Variants in PTPRM observed in about 807,000 individuals in gnomAD.
PTPRM encodes the protein protein tyrosine phosphatase receptor type M.
In PTPRM, 47 loss-of-function variants were observed where a neutral mutation model predicts 186.7. The ratio of observed to expected loss-of-function variants is 0.25; its 90% confidence interval spans 0.20 to 0.32. PTPRM has a LOEUF of 0.32. Ranked by LOEUF, PTPRM falls within the 10% of genes least tolerant of loss-of-function variation. The pLI, the probability that PTPRM is intolerant of heterozygous loss-of-function variation, is 1.00. For synonymous variants in PTPRM, 668 were observed against 674.9 expected, an observed-to-expected ratio of 0.99 and a Z score of 0.16; for missense variants, 1,494 against 1,865.0, an observed-to-expected ratio of 0.80 and a Z score of 3.66.
chr18:7,713,501 A>T (rs1449474916), intron 1 of PTPRM, among the ~76,000 whole-genome samples: 1 of 152,186 alleles, frequency 6.6e-6, no homozygotes, highest in African/African-American at 2.4e-5. Flanking sequence ...TAATGCCAGG[A>T]TCAAATTCAC....
intron 20 of PTPRM, among the ~76,000 whole-genome samples, chr18:8,300,230 C>G (rs77988590): frequency 0.027 from 4,080 of 152,168 alleles, 176 homozygotes; most frequent in South Asian, 0.1. Flanking sequence ...GCAGACTAAT[C>G]AGGAAAAGAC....
intron 1 of PTPRM, among the ~76,000 whole-genome samples, chr18:7,670,253 A>G (rs74643333): frequency 0.021 from 3,192 of 152,238 alleles, 120 homozygotes; most frequent in African/African-American, 0.073. Context: ...GCCACGTTTC[A>G]AGTATTCAGT....
At position 7,949,104 on chromosome 18, in the gene PTPRM, T is replaced by C. The variant is rs553585199; in HGVS notation, c.664-77T>C. 2.1e-3 allele frequency: 2,902 copies of C among 1,354,586 alleles called. 7 individuals are homozygous for C. The highest frequency in any genetic ancestry group is 4.0e-3 in the Admixed American group (204 of 50,814). 83.9% of individuals were successfully genotyped at this position (1,354,586 alleles called of 1,614,324 possible). The stretch of plus-strand genomic sequence containing the variant: ...CTGCATGAAAACAGCATGGATAATA[T>C]ACCATTGGGTGTCTGACTGTTTTGC... On this transcript the variant is annotated intron_variant, in intron 5 of 32. Transcript: ENST00000580170.
At chr18:7,755,803 G>T (rs2041457439) in intron 1 of PTPRM, among the ~76,000 whole-genome samples, 1 of 152,206 alleles carries the variant, frequency 6.6e-6, no homozygotes, top group South Asian at 2.1e-4. Context: ...GCTGCTCGCT[G>T]TGCGGGCAGC....
intron 2 of PTPRM, among the ~76,000 whole-genome samples, chr18:7,836,533 T>TAC (rs998337508): frequency 4.1e-4 from 62 of 152,206 alleles, no homozygotes; most frequent in African/African-American, 1.4e-3. Context: ...AAGAGTAGTT[T>TAC]ACACACCACA....
intron 7 of PTPRM, among the ~76,000 whole-genome samples, chr18:8,002,965 G>C (rs1301215569): frequency 6.6e-6 from 1 of 151,990 alleles, no homozygotes. Flanking sequence ...AAATATCAAA[G>C]AATTCTCTAA....
intron 2 of PTPRM, among the ~76,000 whole-genome samples, chr18:7,836,442 G>A (rs543304499): frequency 1.3e-5 from 2 of 152,192 alleles, no homozygotes; most frequent in African/African-American, 4.8e-5. Context: ...GTCTTGAAAA[G>A]TTGTTATAGT....
chr18:8,388,160 C>T (rs528294943), intron 31 of PTPRM, among the ~76,000 whole-genome samples: 1 of 152,320 alleles, frequency 6.6e-6, no homozygotes, highest in South Asian at 2.1e-4. Context: ...GCTAATCAAC[C>T]AGCTGCAATC....
chr18:8,155,281 C>T (rs912196427), intron 14 of PTPRM, among the ~76,000 whole-genome samples: 6 of 152,144 alleles, frequency 3.9e-5, no homozygotes, highest in African/African-American at 7.2e-5. Context: ...ATTATATTTA[C>T]GATTGTTTCT....
chr18:8,182,047 T>A (rs2093583003), intron 14 of PTPRM, among the ~76,000 whole-genome samples: 1 of 152,124 alleles, frequency 6.6e-6, no homozygotes. Context: ...AATTTAACTA[T>A]TTTTTTCCTA....
At chr18:8,121,268 TTG>T (rs1381845347) in intron 13 of PTPRM, among the ~76,000 whole-genome samples, 3 of 152,178 alleles carry the variant, frequency 2.0e-5, no homozygotes, top group Non-Finnish European at 4.4e-5. Flanking sequence ...TTGGGTTTAA[TTG>T]TCTGCAGATG....
chr18:8,290,543 TTA>T (rs1317706026), intron 19 of PTPRM, among the ~76,000 whole-genome samples: 1 of 152,052 alleles, frequency 6.6e-6, no homozygotes, highest in Non-Finnish European at 1.5e-5. Flanking sequence ...GGGAAGGAGG[TTA>T]TTAAATCACA....
intron 11 of PTPRM, among the ~76,000 whole-genome samples, chr18:8,110,491 A>G (rs2091706928): frequency 6.6e-6 from 1 of 152,160 alleles, no homozygotes. Context: ...CAGTAGGAGA[A>G]TCTAGGATCT....
At chr18:8,155,282 G>A (rs1260964037) in intron 14 of PTPRM, among the ~76,000 whole-genome samples, 5 of 151,974 alleles carry the variant, frequency 3.3e-5, no homozygotes, top group Admixed American at 6.6e-5. Context: ...TTATATTTAC[G>A]ATTGTTTCTA....
At chr18:7,745,902 G>A (rs761530073) in intron 1 of PTPRM, among the ~76,000 whole-genome samples, 22 of 152,202 alleles carry the variant, frequency 1.4e-4, no homozygotes, top group Middle Eastern at 6.8e-3. Flanking sequence ...CCGAGGATTA[G>A]GCACATATGA....
At chr18:7,705,325 A>ATCTATCTATCTG (rs1555655181) in intron 1 of PTPRM, among the ~76,000 whole-genome samples, 7 of 140,140 alleles carry the variant, frequency 5.0e-5, no homozygotes, top group East Asian at 2.2e-4. Flanking sequence ...CTATCTATCT[A>ATCTATCTATCTG]TCTGTCTATC....
chr18:8,091,270 C>G (rs1321340227), intron 11 of PTPRM, among the ~76,000 whole-genome samples: 3 of 152,198 alleles, frequency 2.0e-5, no homozygotes, highest in African/African-American at 7.2e-5. Flanking sequence ...CCAAGTTCAA[C>G]ACTGCTGTGC....
rs763243535 is a variant in PTPRM at position 7,774,239 on chromosome 18, C to A, written c.164C>A (p.Thr55Asn). ...DFNWEQVNTL[T>N]KPTSDPWMPS... ...AATTGGGAGCAAGTGAACACCTTGA[C>A]TAAACCGACTTCTGATCCATGGATG... is the stretch of plus-strand genomic sequence containing the variant. The change falls in exon 2 of 33, where the codon ACT (threonine) becomes AAT (asparagine). Residue 55 changes from threonine to asparagine, a missense_variant. Transcript: ENST00000580170. 1.1e-5 allele frequency: 18 copies of A among 1,614,064 alleles called. No homozygotes were observed. The highest frequency in any genetic ancestry group is 1.5e-5 in the Non-Finnish European group (18 of 1,179,954).
chr18:7,852,133 A>G lies in PTPRM; in HGVS notation c.197-35973A>G, dbSNP rs191378722. Among the ~76,000 whole-genome samples, 390 of 152,348 alleles carry G rather than the reference A, an allele frequency of 2.6e-3. 4 individuals are homozygous for G. Among genetic ancestry groups the G allele is most frequent in the African/African-American group, 8.9e-3 (372 of 41,586 alleles). On this transcript the variant is annotated intron_variant, in intron 2 of 32. Coordinates refer to ENST00000580170, the MANE Select transcript of PTPRM (RefSeq NM_001105244.2). The stretch of plus-strand genomic sequence containing the variant: ...ATAAACAAAGAACACAGCTCAATAG[A>G]GAGCTCAAACCCAAATATATGAATT...
Sources: allele counts gnomAD v4.1 joint callset (sites outside exome capture counted in the v4.1 genomes callset), GRCh38; gene constraint gnomAD v4.1.1; transcripts MANE v1.5; gene names NCBI Gene and HGNC (gene_info 2026-07-23, HGNC 2026-07-21).